The following SYT1 variants were observed in gnomAD, a reference collection of about 807,000 sequenced individuals.
SYT1 encodes synaptotagmin 1.
In SYT1, 8 loss-of-function variants were observed where a neutral mutation model predicts 44.8. The observed-to-expected ratio is 0.18, with a 90% CI of 0.10 to 0.32. The LOEUF (loss-of-function observed/expected upper bound fraction) is 0.32. Among genes scored for constraint, SYT1 ranks in the 10% least tolerant of loss-of-function variants. The pLI, the probability that SYT1 is intolerant of heterozygous loss-of-function variation, is 1.00. For synonymous variants in SYT1, 154 were observed against 188.8 expected (o/e 0.82, Z 1.51); for missense variants, 286 against 509.3 (o/e 0.56, Z 4.22).
chr12:79,159,631 A>C (rs1389729320), intron 3 of SYT1, among the ~76,000 whole-genome samples: 4 of 152,168 alleles, frequency 2.6e-5, no homozygotes, highest in Non-Finnish European at 5.9e-5. Context: ...AAAAAATAGT[A>C]TATCTAGGGT....
intron 9 of SYT1, among the ~76,000 whole-genome samples, chr12:79,402,147 G>A (rs10746133): frequency 0.83 from 126,211 of 151,866 alleles, 56,926 homozygotes; most frequent in East Asian, 1. Flanking sequence ...GCTTGAGTCA[G>A]TCTACACTCC....
intron 3 of SYT1, among the ~76,000 whole-genome samples, chr12:79,076,624 A>C (rs1215581107): frequency 6.6e-6 from 1 of 152,140 alleles, no homozygotes; most frequent in Non-Finnish European, 1.5e-5. Context: ...TAAAACATTC[A>C]GTGCGAGCAT....
chr12:79,098,984 A>G (rs1878300306), intron 3 of SYT1, among the ~76,000 whole-genome samples: 1 of 152,174 alleles, frequency 6.6e-6, no homozygotes, highest in African/African-American at 2.4e-5. Context: ...AAATTGGGAA[A>G]TAATTCCAAA....
At chr12:79,176,616 T>A (rs1302495190) in intron 3 of SYT1, among the ~76,000 whole-genome samples, 1 of 152,112 alleles carries the variant, frequency 6.6e-6, no homozygotes, top group East Asian at 1.9e-4. Flanking sequence ...GTTCTTGTTG[T>A]TGAGTTCTAT....
intron 3 of SYT1, among the ~76,000 whole-genome samples, chr12:79,139,609 G>T (rs1377149458): frequency 6.6e-6 from 1 of 151,894 alleles, no homozygotes; most frequent in African/African-American, 2.4e-5. Context: ...GGTACTTTTT[G>T]ATAAATAAAA....
chr12:79,371,782 A>G (rs1332031678), intron 9 of SYT1, among the ~76,000 whole-genome samples: 1 of 152,206 alleles, frequency 6.6e-6, no homozygotes, highest in Non-Finnish European at 1.5e-5. Flanking sequence ...TGAGATAAAA[A>G]GTTTCATAGC....
rs181462499 is a variant in SYT1, at chr12:79,178,833, G to A, written c.-17-38670G>A. Among the ~76,000 whole-genome samples, 1,315 of 148,866 alleles carry A rather than the reference G, an allele frequency of 8.8e-3. 24 individuals carry two copies. The highest frequency in any genetic ancestry group is 0.031 in the African/African-American group (1,236 of 40,460). On this transcript the variant is annotated intron_variant, in intron 3 of 10. Transcript: ENST00000261205. ...GCTCTTATAGCCCAGGCTGGAGTGCGATGGCGTGATCTCGGCTCACTGCAA... is the reference window on the plus strand; with the variant it reads ...GCTCTTATAGCCCAGGCTGGAGTGCAATGGCGTGATCTCGGCTCACTGCAA...
chr12:79,308,311 G>A (rs900458647), intron 8 of SYT1, among the ~76,000 whole-genome samples: 4 of 152,156 alleles, frequency 2.6e-5, no homozygotes, highest in Non-Finnish European at 4.4e-5. Context: ...AATCACCTGA[G>A]GTCAGGAGTT....
intron 1 of SYT1, chr12:78,926,666 A>C (rs1877321042): frequency 6.6e-6 from 1 of 152,112 alleles, no homozygotes; most frequent in African/African-American, 2.4e-5. Flanking sequence ...TGAATCTTAA[A>C]CATTTTTGGG....
At chr12:78,870,575 G>C (rs987196812) in intron 1 of SYT1, among the ~76,000 whole-genome samples, 2 of 152,030 alleles carry the variant, frequency 1.3e-5, no homozygotes, top group African/African-American at 4.8e-5. Flanking sequence ...TTTTGCAATT[G>C]CTTACATGAG....
At chr12:79,354,657 A>G (rs1883041500) in intron 9 of SYT1, among the ~76,000 whole-genome samples, 1 of 152,082 alleles carries the variant, frequency 6.6e-6, no homozygotes, top group Non-Finnish European at 1.5e-5. Context: ...TGTCATTAAG[A>G]CCCTATTTAA....
intron 4 of SYT1, among the ~76,000 whole-genome samples, chr12:79,272,284 CTG>C (rs1282825946): frequency 6.6e-6 from 1 of 152,116 alleles, no homozygotes; most frequent in Non-Finnish European, 1.5e-5. Context: ...ACTTTGAACA[CTG>C]TGCACAAAAT....
rs542748293 is a variant in SYT1 at position 79,258,009 on chromosome 12, C to T, written c.167-27778C>T. On this transcript the variant is annotated intron_variant, in intron 4 of 10. Coordinates refer to ENST00000261205, the MANE Select transcript of SYT1 (RefSeq NM_005639.3). ...GCTTAGCATTTTATTTCACAAAAGGCAAGGTTACTAAAAGAAGAAAAAAAA... is the reference window on the plus strand; with the variant it reads ...GCTTAGCATTTTATTTCACAAAAGGTAAGGTTACTAAAAGAAGAAAAAAAA... Among the ~76,000 whole-genome samples, 58 of 151,728 alleles carry T rather than the reference C, an allele frequency of 3.8e-4. 1 individual carries two copies. The South Asian group carries it at 0.011, about 28-fold the overall frequency.
intron 3 of SYT1, among the ~76,000 whole-genome samples, chr12:79,063,818 C>T (rs186125377): frequency 6.6e-6 from 1 of 152,178 alleles, no homozygotes; most frequent in East Asian, 1.9e-4. Flanking sequence ...TTGGGAACAC[C>T]AAAGCAAACC....
intron 5 of SYT1, among the ~76,000 whole-genome samples, chr12:79,290,979 T>G (rs1177080599): frequency 6.6e-6 from 1 of 152,224 alleles, no homozygotes; most frequent in Non-Finnish European, 1.5e-5. Flanking sequence ...TCTAATTAAT[T>G]ATTCTAATTA....
intron 3 of SYT1, among the ~76,000 whole-genome samples, chr12:79,172,582 A>C (rs558539568): frequency 6.6e-6 from 1 of 152,026 alleles, no homozygotes; most frequent in South Asian, 2.1e-4. Context: ...TTTTCCCTAA[A>C]GAATGGGGTT....
At chr12:79,064,976 GAA>G (rs1220227762) in intron 3 of SYT1, among the ~76,000 whole-genome samples, 1 of 138,520 alleles carries the variant, frequency 7.2e-6, no homozygotes. Flanking sequence ...AAGAAAGAAA[GAA>G]AGAAAGAAAG....
intron 3 of SYT1, among the ~76,000 whole-genome samples, chr12:79,207,825 T>C (rs1212514123): frequency 6.6e-6 from 1 of 152,158 alleles, no homozygotes. Flanking sequence ...TCCTAAGCTT[T>C]TGCTCAACTT....
chr12:79,077,090 G>A (rs1876709159), intron 3 of SYT1, among the ~76,000 whole-genome samples: 1 of 152,084 alleles, frequency 6.6e-6, no homozygotes, highest in Admixed American at 6.6e-5. Context: ...TGTCCCAGCT[G>A]TTGCATTAAC....
Sources: allele counts gnomAD v4.1 joint callset (sites outside exome capture counted in the v4.1 genomes callset), GRCh38; gene constraint gnomAD v4.1.1; transcripts MANE v1.5; gene names NCBI Gene and HGNC (gene_info 2026-07-23, HGNC 2026-07-21).